The following RORA variants were observed in gnomAD, a reference collection of about 807,000 sequenced individuals.
RORA encodes RAR related orphan receptor A, also known as nuclear receptor ROR-alpha.
RORA carries 7 observed loss-of-function variants against 69.5 expected under a neutral mutation model. The ratio of observed to expected loss-of-function variants is 0.10; its 90% CI spans 0.06 to 0.19. The LOEUF is 0.19. RORA is among the 10% of genes least tolerant of loss of function. The pLI is 1.00. For missense variants in RORA, 457 were observed against 663.0 expected (o/e 0.69, Z 3.41); for synonymous variants, 261 against 240.8 (o/e 1.08, Z -0.78).
intron 1 of RORA, among the ~76,000 whole-genome samples, chr15:60,931,870 T>C (rs888881443): frequency 1.3e-5 from 2 of 152,192 alleles, no homozygotes; most frequent in African/African-American, 4.8e-5. Flanking sequence ...ATTGATTCCT[T>C]CAATATTAAC....
At chr15:61,152,439 ATAGT>A (rs1411524045) in intron 1 of RORA, among the ~76,000 whole-genome samples, 1 of 148,268 alleles carries the variant, frequency 6.7e-6, no homozygotes, top group African/African-American at 2.5e-5. Context: ...AGTAATATTT[ATAGT>A]TAAATATCAT....
chr15:60,797,611 G>C (rs1161693942), intron 1 of RORA, among the ~76,000 whole-genome samples: 1 of 152,152 alleles, frequency 6.6e-6, no homozygotes, highest in Non-Finnish European at 1.5e-5. Flanking sequence ...GAGACTGAAT[G>C]AGTTATGTAA....
intron 1 of RORA, among the ~76,000 whole-genome samples, chr15:61,026,392 A>G (rs1259576364): frequency 6.6e-6 from 1 of 152,230 alleles, no homozygotes; most frequent in Non-Finnish European, 1.5e-5. Flanking sequence ...AGAAGCAGCA[A>G]AATTACAACG....
intron 2 of RORA, among the ~76,000 whole-genome samples, chr15:60,544,069 G>A (rs141475394): frequency 8.6e-4 from 131 of 152,248 alleles, no homozygotes; most frequent in Non-Finnish European, 1.6e-3. Flanking sequence ...TACAGGGTTC[G>A]GAGGCTCTCA....
chr15:60,961,163 C>T (rs1379473738), intron 1 of RORA, among the ~76,000 whole-genome samples: 1 of 152,178 alleles, frequency 6.6e-6, no homozygotes. Context: ...TACACTTCCC[C>T]ACATAACATT....
At chr15:61,194,417 G>A (rs1047826550) in intron 1 of RORA, among the ~76,000 whole-genome samples, 5 of 151,970 alleles carry the variant, frequency 3.3e-5, no homozygotes, top group Admixed American at 2.0e-4. Flanking sequence ...AAAATTAGCC[G>A]GGCGTAGTGG....
rs1251166766 is a variant in RORA, at chr15:60,630,518, C to T, written c.196+48139G>A. ...AAGGGAACCATTAGCAGTGGAGCTC[C>T]CCAGGCTCCTGGGACGACCAAGCAC... On this transcript the variant is annotated intron_variant, in intron 2 of 10. Coordinates refer to ENST00000335670, the MANE Select transcript of RORA (RefSeq NM_134261.3). 4 of 152,228 alleles carry T rather than the reference C, an allele frequency of 2.6e-5. No individual in the cohort carries two copies. In the South Asian group the frequency reaches 6.2e-4, roughly 24 times the overall value. The allele number at this position is 152,228 out of a possible 1,614,324, so 9.4% of individuals were successfully genotyped here.
intron 1 of RORA, among the ~76,000 whole-genome samples, chr15:61,171,841 G>A (rs1323530422): frequency 6.6e-6 from 1 of 152,178 alleles, no homozygotes; most frequent in Non-Finnish European, 1.5e-5. Flanking sequence ...GGCAGCTGGG[G>A]AGAGGAACGA....
intron 2 of RORA, among the ~76,000 whole-genome samples, chr15:60,589,189 G>C (rs1194441363): frequency 6.6e-6 from 1 of 152,166 alleles, no homozygotes; most frequent in Non-Finnish European, 1.5e-5. Flanking sequence ...ATCAGAGATC[G>C]AATTCTAATT....
At chr15:60,820,317 C>T (rs936327968) in intron 1 of RORA, among the ~76,000 whole-genome samples, 11 of 152,070 alleles carry the variant, frequency 7.2e-5, no homozygotes, top group Non-Finnish European at 2.9e-5. Context: ...AAGCCAGTTC[C>T]CTTAAGTTTT....
At chr15:61,064,505 A>G (rs749144844) in intron 1 of RORA, among the ~76,000 whole-genome samples, 1 of 152,220 alleles carries the variant, frequency 6.6e-6, no homozygotes, top group Non-Finnish European at 1.5e-5. Flanking sequence ...TTTAGAACCA[A>G]GAGAGTCATC....
At chr15:60,797,732 G>A (rs148641087) in intron 1 of RORA, among the ~76,000 whole-genome samples, 6 of 152,110 alleles carry the variant, frequency 3.9e-5, no homozygotes, top group Non-Finnish European at 7.4e-5. Flanking sequence ...AGACCAGCAC[G>A]CGGTTGACAA....
At chr15:60,744,752 G>A (rs1398554060) in intron 1 of RORA, among the ~76,000 whole-genome samples, 1 of 152,198 alleles carries the variant, frequency 6.6e-6, no homozygotes, top group East Asian at 1.9e-4. Flanking sequence ...TGATAACAAT[G>A]GTGGCTGTGA....
chr15:60,665,007 C>G lies in RORA; in HGVS notation c.196+13650G>C, dbSNP rs145149973. On this transcript the variant is annotated intron_variant, in intron 2 of 10. Transcript: ENST00000335670. ...TGTGTGCAGCCACTGATGAGGTGGA[C>G]AATAGTTTTGAAATTATTGGTTCCT... Among the ~76,000 whole-genome samples the G allele has an allele frequency of 8.5e-4, 129 of 152,260 alleles. 1 individual carries two copies. Among genetic ancestry groups the G allele is most frequent in the African/African-American group, 3.0e-3 (126 of 41,558 alleles).
chr15:60,931,988 A>C (rs1035204260), intron 1 of RORA, among the ~76,000 whole-genome samples: 1 of 152,176 alleles, frequency 6.6e-6, no homozygotes. Flanking sequence ...ACCAATTCTA[A>C]TCCTGAATTC....
chr15:60,802,352 G>A (rs1242854126), intron 1 of RORA, among the ~76,000 whole-genome samples: 1 of 152,208 alleles, frequency 6.6e-6, no homozygotes, highest in Non-Finnish European at 1.5e-5. Flanking sequence ...GTAGCCATTA[G>A]TATTTTGTCA....
chr15:61,035,739 G>A (rs1896427038), intron 1 of RORA, among the ~76,000 whole-genome samples: 1 of 152,130 alleles, frequency 6.6e-6, no homozygotes, highest in Non-Finnish European at 1.5e-5. Flanking sequence ...GATGGCATAA[G>A]GACCAGGGTC....
intron 1 of RORA, among the ~76,000 whole-genome samples, chr15:60,686,507 G>T (rs2070750946): frequency 6.6e-6 from 1 of 152,088 alleles, no homozygotes; most frequent in African/African-American, 2.4e-5. Flanking sequence ...GATATTACCT[G>T]GTTGATTTAA....
chr15:60,833,619 A>T (rs2073077539), intron 1 of RORA, among the ~76,000 whole-genome samples: 1 of 152,126 alleles, frequency 6.6e-6, no homozygotes, highest in African/African-American at 2.4e-5. Context: ...AAACCCACCA[A>T]GCCCAATCTC....
Sources: gnomAD v4.1 joint callset for allele counts (sites outside exome capture counted in the v4.1 genomes callset) on GRCh38, gnomAD v4.1.1 for gene constraint, MANE v1.5 for transcripts, NCBI Gene and HGNC (gene_info 2026-07-23, HGNC 2026-07-21) for gene names.